Variants in CRAMP1 observed in about 807,000 individuals in gnomAD.
The protein encoded by CRAMP1 is protein cramped-like.
A neutral mutation model predicts 115.4 loss-of-function variants in CRAMP1; 50 were observed. The ratio of observed to expected loss-of-function variants is 0.43; its 90% CI spans 0.35 to 0.55. CRAMP1 has a LOEUF of 0.55. Ranked by LOEUF, CRAMP1 falls within the 20% of genes least tolerant of loss-of-function variation. The pLI is 0.01. For missense variants in CRAMP1, 1,679 were observed against 1,721.7 expected, an observed-to-expected ratio of 0.98 and a Z score of 0.44; for synonymous variants, 866 against 745.4, an observed-to-expected ratio of 1.16 and a Z score of -2.64.
intron 6 of CRAMP1, among the ~76,000 whole-genome samples, chr16:1,649,153 A>G (rs184058715): frequency 9.2e-5 from 14 of 152,194 alleles, no homozygotes; most frequent in African/African-American, 2.9e-4. Context: ...ATCTGTACAG[A>G]CAGAAAGGGG....
Position 1,655,311 on chromosome 16 carries a change from C to A in CRAMP1, c.1119+11C>A. The A allele has an allele frequency of 1.9e-6, 3 of 1,611,660 alleles. No homozygotes were observed. Among genetic ancestry groups the A allele is most frequent in the Non-Finnish European group, 2.5e-6 (3 of 1,177,734 alleles). ...CATGAGGTGCGAGTTGTATCCTTTT[C>A]CAGCTAAAGCAAACCATCCAGGCTG... On this transcript the variant is annotated intron_variant, in intron 9 of 20. Transcript: ENST00000397412.
chr16:1,642,614 G>A (rs1402679517), intron 6 of CRAMP1, among the ~76,000 whole-genome samples: 1 of 152,190 alleles, frequency 6.6e-6, no homozygotes, highest in Non-Finnish European at 1.5e-5. Flanking sequence ...GCAGTATCTG[G>A]CTTATCCTGA....
In CRAMP1 at chr16:1,666,193, C is replaced by CCAT. The variant is rs1273726710; in HGVS notation, c.2857+16_2857+17insCAT. ...CACCTGGCCAGTAAGTCTGTACCTG[C>CCAT]ATGGCCACAGCCACTGAGTGAGCCT... On this transcript the variant is annotated intron_variant, in intron 15 of 20. Transcript: ENST00000397412. The surrounding 1 kb of genome is among the most constrained non-coding windows in gnomAD (Gnocchi z 5.0). 2.2e-5 allele frequency: 34 copies of CCAT among 1,543,312 alleles called. No individual in the cohort carries two copies. The highest frequency in any genetic ancestry group is 2.9e-5 in the Non-Finnish European group (33 of 1,123,810).
intron 4 of CRAMP1, among the ~76,000 whole-genome samples, chr16:1,636,901 A>T (rs995839780): frequency 1.3e-5 from 2 of 152,216 alleles, no homozygotes; most frequent in African/African-American, 2.4e-5. Flanking sequence ...TCCTGCCCAA[A>T]TCAGGCTCTT....
rs1567463129 is a variant in CRAMP1 at position 1,669,157 on chromosome 16, G to A, written c.3491G>A (p.Ser1164Asn). The A allele has an allele frequency of 1.2e-6, 2 of 1,600,750 alleles. No homozygotes were observed. The highest frequency in any genetic ancestry group is 1.7e-6 in the Non-Finnish European group (2 of 1,172,940). The part of the protein sequence containing the change: ...PSDSTDSSLS[S>N]LFASFISPEK... ...GACTCCACCGACTCCTCGCTCAGCA[G>A]CCTGTTTGGTGAGTGTATGGGGAGG... Residue 1164 changes from serine (S) to asparagine (N), a missense_variant, in exon 19 of 21, where the codon AGC (serine) becomes AAC (asparagine). By Grantham distance (46) the Ser-to-Asn change is conservative. Transcript: ENST00000397412. This position sits in a 1 kb window ranked among gnomAD's most constrained non-coding sequence, Gnocchi z 4.6.
intron 13 of CRAMP1, among the ~76,000 whole-genome samples, chr16:1,663,502 C>G (rs2036849869): frequency 2.0e-5 from 3 of 152,190 alleles, no homozygotes; most frequent in Admixed American, 1.3e-4. Context: ...GTTCTTTGTT[C>G]AAACTAAGAT....
intron 5 of CRAMP1, among the ~76,000 whole-genome samples, chr16:1,638,517 G>A (rs1243338589): frequency 6.6e-6 from 1 of 152,136 alleles, no homozygotes. Context: ...TCGTCTCCTC[G>A]GGACCAGATT....
chr16:1,636,241 C>T (rs137933403), intron 4 of CRAMP1, among the ~76,000 whole-genome samples: 397 of 152,228 alleles, frequency 2.6e-3, no homozygotes, highest in African/African-American at 9.1e-3. Context: ...CGTGGTGGCG[C>T]ATGCCTGTAA....
rs1335926020 is a variant in CRAMP1, at chr16:1,655,979, C to T, written c.1222C>T (p.Pro408Ser). 16 of 1,613,106 alleles carry T rather than the reference C, an allele frequency of 9.9e-6. No homozygotes were observed. The highest frequency in any genetic ancestry group is 1.4e-5 in the Non-Finnish European group (16 of 1,179,896). The change falls in exon 10 of 21, where the codon CCG becomes TCG. Residue 408 changes from proline (P) to serine (S), a missense_variant. Coordinates refer to ENST00000397412, the MANE Select transcript of CRAMP1 (RefSeq NM_020825.4). Reference sequence around the variant, plus strand: ...CCCAGGCGAGAACTGTACACTGACACCGCTGCCGGGCGTGGCTCGCGTGGT... The same window carrying T: ...CCCAGGCGAGAACTGTACACTGACATCGCTGCCGGGCGTGGCTCGCGTGGT... ...LFPGENCTLTPLPGVARVVHS... is the reference protein window; with the variant it reads ...LFPGENCTLTSLPGVARVVHS...
intron 17 of CRAMP1, 114 bp from the exon 18 acceptor site, chr16:1,667,848 C>T (rs572713044): frequency 4.2e-5 from 28 of 664,196 alleles, no homozygotes; most frequent in South Asian, 3.0e-4. Flanking sequence ...GTGACTGCAG[C>T]GCTCATCACC....
rs1286657226 is a variant in CRAMP1 at position 1,614,575 on chromosome 16, C to CG, written c.-1-60dup. 1.9e-5 allele frequency: 20 copies of CG among 1,028,744 alleles called. No individual in the cohort carries two copies. Among genetic ancestry groups the CG allele is most frequent in the Non-Finnish European group, 2.5e-5 (20 of 808,236 alleles). The allele number at this position is 1,028,744 out of a possible 1,614,324, so 63.7% of individuals were successfully genotyped here. A position where few individuals can be genotyped will look rare whatever the true frequency, so the allele number is the denominator to read the frequency against. Reference sequence around the variant, plus strand: ...AACGGCGGCCATGTTGAGAGCGCGTCGGGGCCGCTAAACTTCCCGGCCTGC... The same window carrying CG: ...AACGGCGGCCATGTTGAGAGCGCGTCGGGGGCCGCTAAACTTCCCGGCCTGC... On this transcript the variant is annotated intron_variant, in intron 1 of 20. Transcript: ENST00000397412. The surrounding 1 kb of genome is among the most constrained non-coding windows in gnomAD (Gnocchi z 4.4).
Position 1,659,884 on chromosome 16 carries a change from A to G in CRAMP1, c.2236-2A>G, listed in dbSNP as rs1255942609. 1 of 1,613,266 alleles carries G rather than the reference A, an allele frequency of 6.2e-7. No homozygotes were observed. On this transcript the variant is annotated splice_acceptor_variant, in intron 10 of 20. Coordinates refer to ENST00000397412, the MANE Select transcript of CRAMP1 (RefSeq NM_020825.4). LOFTEE classifies it high-confidence loss of function. ...ACATTGTTTGGCCCATTTCTGTCCT[A>G]GGCTCTGGAAGCAAACACCATCTCT...
chr16:1,628,010 G>T (rs2036520444), intron 3 of CRAMP1, among the ~76,000 whole-genome samples: 1 of 152,164 alleles, frequency 6.6e-6, no homozygotes, highest in Admixed American at 6.5e-5. Flanking sequence ...GGTAGCAGAG[G>T]AGGAGTTCCT....
At chr16:1,648,626 A>G (rs2036696598) in intron 6 of CRAMP1, among the ~76,000 whole-genome samples, 1 of 150,126 alleles carries the variant, frequency 6.7e-6, no homozygotes, top group South Asian at 2.1e-4. Flanking sequence ...AAAAGAATTG[A>G]CTCCATGCTT....
At chr16:1,650,108 C>G (rs892895198) in intron 6 of CRAMP1, among the ~76,000 whole-genome samples, 3 of 152,128 alleles carry the variant, frequency 2.0e-5, no homozygotes, top group African/African-American at 7.2e-5. Context: ...TGGCCCTAAA[C>G]ACTTGATTAA....
In CRAMP1 at chr16:1,656,110, G is replaced by A. The variant is rs1160254491; in HGVS notation, c.1353G>A (p.Gln451=). The A allele has an allele frequency of 6.2e-7, 1 of 1,609,592 alleles. No homozygotes were observed. The highest frequency in any genetic ancestry group is 1.3e-5 in the African/African-American group (1 of 74,894). The change falls in exon 10 of 21, where the codon CAG becomes CAA. Residue 451 remains glutamine, a synonymous_variant. Coordinates refer to ENST00000397412, the MANE Select transcript of CRAMP1 (RefSeq NM_020825.4). The surrounding 1 kb of genome is among the most constrained non-coding windows in gnomAD (Gnocchi z 5.6). ...VLPPAQILGI[Q]SGQGTARGQV... is the part of the protein sequence containing the mutation. ...CCCCAGCCCAGATCCTGGGCATCCA[G>A]AGTGGGCAGGGCACGGCCCGGGGCC...
intron 3 of CRAMP1, among the ~76,000 whole-genome samples, chr16:1,628,942 G>A (rs964206901): frequency 6.6e-6 from 1 of 152,190 alleles, no homozygotes; most frequent in African/African-American, 2.4e-5. Flanking sequence ...GCTCAGATTC[G>A]CGCCCGTCCA....
intron 6 of CRAMP1, among the ~76,000 whole-genome samples, chr16:1,649,042 G>C (rs1223685658): frequency 6.7e-6 from 1 of 149,914 alleles, no homozygotes; most frequent in Non-Finnish European, 1.5e-5. Context: ...CTGGGCAATA[G>C]AGCAAGACTC....
chr16:1,628,054 A>G (rs115356999), intron 3 of CRAMP1, among the ~76,000 whole-genome samples: 2,711 of 152,264 alleles, frequency 0.018, 87 homozygotes, highest in African/African-American at 0.061. Flanking sequence ...TTATTCAAGC[A>G]GTTCAGTTCG....
Sources: gnomAD v4.1 joint callset for allele counts (sites outside exome capture counted in the v4.1 genomes callset) on GRCh38, gnomAD v4.1.1 for gene constraint, Gnocchi (gnomAD v3.1) non-coding constraint, MANE v1.5 for transcripts, NCBI Gene and HGNC (gene_info 2026-07-23, HGNC 2026-07-21) for gene names.